Variants in IL20RA observed in about 807,000 individuals in gnomAD.
IL20RA encodes the protein interleukin 20 receptor subunit alpha, also known as interleukin-20 receptor subunit alpha.
In IL20RA, 29 loss-of-function variants were observed where a neutral mutation model predicts 36.5. The ratio of observed to expected loss-of-function variants is 0.79; its 90% confidence interval spans 0.59 to 1.08. The LOEUF (loss-of-function observed/expected upper bound fraction) is 1.08. IL20RA is among the 50% of genes least tolerant of loss of function. The pLI, the probability that IL20RA is intolerant of heterozygous loss-of-function variation, is 0.00. For synonymous variants in IL20RA, 279 were observed against 267.1 expected, an observed-to-expected ratio of 1.04 and a Z score of -0.43; for missense variants, 652 against 668.4, an observed-to-expected ratio of 0.98 and a Z score of 0.27.
Position 137,001,514 on chromosome 6 carries a change from C to A in IL20RA, c.*44G>T. On this transcript the variant is annotated 3_prime_UTR_variant, in exon 7 of 7. Transcript: ENST00000316649. ...TATGGCTGGGATCAAAGGGGTGACT[C>A]ACTTGTTTGCACAGGAAACAAAAGG... 1 of 1,493,246 alleles carries A rather than the reference C, an allele frequency of 6.7e-7. No individual in the cohort carries two copies. The allele number at this position is 1,493,246 out of a possible 1,614,324, so 92.5% of individuals were successfully genotyped here.
chr6:137,020,080 G>C (rs1050362523), intron 1 of IL20RA, among the ~76,000 whole-genome samples: 32 of 152,326 alleles, frequency 2.1e-4, no homozygotes, highest in African/African-American at 7.7e-4. Flanking sequence ...CTTCTGTCTT[G>C]TTTTCTTTGT....
Position 137,009,341 on chromosome 6 carries a change from C to A in IL20RA, c.555G>T (p.Val185=). Residue 185 remains valine, a synonymous_variant, in exon 4 of 7, where the codon GTG becomes GTT. Coordinates refer to ENST00000316649, the MANE Select transcript of IL20RA (RefSeq NM_014432.4). ...CCGTTCTGTTTGATTTAGTATTCAA[C>A]ACAGACACGTTATACTTCAGATTGG... ...IYSNLKYNVS[V]LNTKSNRTWS... 6.2e-7 allele frequency: 1 copy of A among 1,613,652 alleles called. No homozygotes were observed. The highest frequency in any genetic ancestry group is 8.5e-7 in the Non-Finnish European group (1 of 1,179,640).
chr6:137,002,744 T>G (rs1211246762), intron 6 of IL20RA, among the ~76,000 whole-genome samples: 2 of 152,234 alleles, frequency 1.3e-5, no homozygotes, highest in Non-Finnish European at 2.9e-5. Flanking sequence ...GTGACACTGT[T>G]TTATTTATAG....
At chr6:137,027,824 G>A (rs1776146960) in intron 1 of IL20RA, among the ~76,000 whole-genome samples, 1 of 152,208 alleles carries the variant, frequency 6.6e-6, no homozygotes, top group Non-Finnish European at 1.5e-5. Context: ...AGGCCCAAGT[G>A]TGCTGGCCAA....
At position 137,011,407 on chromosome 6, in the gene IL20RA, G is replaced by A; in HGVS notation, c.270C>T (p.Ile90=). ...CAGAAAGATCACAGTAGGTTCTATT[G>A]ATATTTCTGCATTCTGATTTATTCA... The part of the protein sequence containing the change: ...KWLNKSECRN[I]NRTYCDLSAE... Residue 90 remains isoleucine (I), a synonymous_variant, in exon 3 of 7, where the codon ATC becomes ATT. Coordinates refer to ENST00000316649, the MANE Select transcript of IL20RA (RefSeq NM_014432.4). 1 of 1,613,562 alleles carries A rather than the reference G, an allele frequency of 6.2e-7. No homozygotes were observed. Among genetic ancestry groups the A allele is most frequent in the Non-Finnish European group, 8.5e-7 (1 of 1,179,698 alleles).
rs199704533 is a variant in IL20RA at position 137,001,666 on chromosome 6, T to C, written c.1554A>G (p.Leu518=). The change falls in exon 7 of 7, where the codon CTA becomes CTG. Residue 518 remains leucine, a synonymous_variant. Transcript: ENST00000316649. The part of the protein sequence containing the change: ...EGDGLGEEGL[L]SRLYEEPAPD... ...GAGCCGGCTCCTCATAGAGTCTAGA[T>C]AGAAGACCCTCCTCTCCGAGCCCAT... The C allele has an allele frequency of 1.4e-4, 218 of 1,614,044 alleles. 1 individual carries two copies. Among genetic ancestry groups the C allele is most frequent in the Non-Finnish European group, 1.7e-4 (203 of 1,179,968 alleles).
At chr6:137,018,149 T>C (rs1775768834) in intron 1 of IL20RA, among the ~76,000 whole-genome samples, 1 of 152,202 alleles carries the variant, frequency 6.6e-6, no homozygotes. Flanking sequence ...AAAATTTAGT[T>C]CAGTCACTGA....
intron 1 of IL20RA, among the ~76,000 whole-genome samples, chr6:137,028,830 T>C (rs1442341906): frequency 2.0e-5 from 3 of 147,170 alleles, no homozygotes; most frequent in Non-Finnish European, 4.5e-5. Flanking sequence ...GCTACAATTA[T>C]CTTCAGAAGT....
chr6:137,034,999 G>T (rs970326973), intron 1 of IL20RA, among the ~76,000 whole-genome samples: 5 of 150,928 alleles, frequency 3.3e-5, no homozygotes. Context: ...TTCTGTTCTT[G>T]TGTTAGTTTG....
At position 137,003,292 on chromosome 6, in the gene IL20RA, A is replaced by G. The variant is rs1775146775; in HGVS notation, c.865-937T>C. On this transcript the variant is annotated intron_variant, in intron 6 of 6. Coordinates refer to ENST00000316649, the MANE Select transcript of IL20RA (RefSeq NM_014432.4). Reference sequence around the variant, plus strand: ...GAACTAACAGGAAACAAGGTATGTTATCATGTACACGTGAACACATCTTTT... The same window carrying G: ...GAACTAACAGGAAACAAGGTATGTTGTCATGTACACGTGAACACATCTTTT... 2.6e-5 allele frequency among the ~76,000 whole-genome samples: 4 copies of G among 152,374 alleles called. 1 individual carries two copies. The highest frequency in any genetic ancestry group is 2.6e-4 in the Admixed American group (4 of 15,312).
At chr6:137,031,052 T>G (rs1776261145) in intron 1 of IL20RA, among the ~76,000 whole-genome samples, 1 of 152,254 alleles carries the variant, frequency 6.6e-6, no homozygotes, top group Non-Finnish European at 1.5e-5. Flanking sequence ...CAATAACTAT[T>G]GTTATTATAT....
chr6:137,004,730 A>C lies in IL20RA; in HGVS notation c.755T>G (p.Ile252Ser). ...AGATACGGGCAAAACATACCAGAAG[A>C]TGATTTTAGCCTTGAACTCTGATGA... ...DQSSEFKAKI[I>S]FWYVLPVSIT... The change falls in exon 6 of 7, where the codon ATC becomes AGC. Residue 252 changes from isoleucine (I) to serine (S), a missense_variant. Coordinates refer to ENST00000316649, the MANE Select transcript of IL20RA (RefSeq NM_014432.4). 1 of 1,599,818 alleles carries C rather than the reference A, an allele frequency of 6.3e-7. No homozygotes were observed. The highest frequency in any genetic ancestry group is 1.1e-5 in the South Asian group (1 of 87,106).
In IL20RA at chr6:137,009,431, C is replaced by T. The variant is rs761470204; in HGVS notation, c.465G>A (p.Leu155=). 2.5e-6 allele frequency: 4 copies of T among 1,612,852 alleles called. No individual in the cohort carries two copies. Among genetic ancestry groups the T allele is most frequent in the African/African-American group, 1.3e-5 (1 of 74,940 alleles). ...TTDEKSISVV[L]TAPEKWKRNP... ...TTCTCTTCCACTTCTCTGGAGCTGT[C>T]AGGACAACAGAAATGGACTTCTCAT... The change falls in exon 4 of 7, where the codon CTG becomes CTA. Residue 155 remains leucine (L), a synonymous_variant. Transcript: ENST00000316649.
chr6:137,027,536 A>G (rs1776137098), intron 1 of IL20RA, among the ~76,000 whole-genome samples: 1 of 152,194 alleles, frequency 6.6e-6, no homozygotes, highest in South Asian at 2.1e-4. Context: ...TCTACGTCTT[A>G]CCAGCTATGC....
intron 4 of IL20RA, 121 bp from the exon 5 acceptor site, chr6:137,008,864 G>GAT: frequency 1.0e-5 from 2 of 193,228 alleles, no homozygotes; most frequent in South Asian, 1.6e-4. Context: ...ATCAGTATAA[G>GAT]CTTTTTTTTT....
At chr6:137,025,006 A>G (rs1266803263) in intron 1 of IL20RA, among the ~76,000 whole-genome samples, 1 of 152,220 alleles carries the variant, frequency 6.6e-6, no homozygotes, top group Non-Finnish European at 1.5e-5. Context: ...TGCCTTCACA[A>G]AGTTGTGAGG....
chr6:137,034,142 C>G (rs903725012), intron 1 of IL20RA, among the ~76,000 whole-genome samples: 4 of 152,274 alleles, frequency 2.6e-5, no homozygotes, highest in African/African-American at 7.2e-5. Flanking sequence ...ATCTTGAGGT[C>G]AGTGTCCTAC....
intron 6 of IL20RA, among the ~76,000 whole-genome samples, chr6:137,002,764 C>T (rs1024044153): frequency 6.6e-6 from 1 of 152,176 alleles, no homozygotes; most frequent in Non-Finnish European, 1.5e-5. Context: ...GTTTGCTATG[C>T]ACTTGTTAAT....
rs543168457 is a variant in IL20RA, at chr6:137,020,456, A to C, written c.89-3353T>G. ...GAGAATGAATACAACAATGATTCTA[A>C]AACTGAAAGCATCTAAGACAGACCA... On this transcript the variant is annotated intron_variant, in intron 1 of 6. Transcript: ENST00000316649. Among the ~76,000 whole-genome samples, 51 of 152,110 alleles carry C rather than the reference A, an allele frequency of 3.4e-4. No individual in the cohort carries two copies. In the South Asian group the frequency reaches 0.011, roughly 32 times the overall value.
Sources: allele counts gnomAD v4.1 joint callset (sites outside exome capture counted in the v4.1 genomes callset), GRCh38; gene constraint gnomAD v4.1.1; transcripts MANE v1.5; gene names NCBI Gene and HGNC (gene_info 2026-07-23, HGNC 2026-07-21).